The following CRB1 variants were observed in gnomAD, a reference collection of about 807,000 sequenced individuals.
CRB1 encodes the protein crumbs cell polarity complex component 1.
Under a neutral mutation model 120.0 loss-of-function variants are expected in CRB1, and 83 were observed. That is an observed-to-expected ratio of 0.69 (90% CI 0.58 to 0.83). CRB1 has a LOEUF of 0.83. Ranked by LOEUF, CRB1 falls within the 40% of genes least tolerant of loss-of-function variation. CRB1 has a pLI of 0.00. For synonymous variants in CRB1, 625 were observed against 612.5 expected, an observed-to-expected ratio of 1.02 and a Z score of -0.30; for missense variants, 1,699 against 1,687.6, an observed-to-expected ratio of 1.01 and a Z score of -0.12.
At position 197,435,118 on chromosome 1, in the gene CRB1, A is replaced by C; in HGVS notation, c.3255A>C (p.Arg1085Ser). The C allele has an allele frequency of 6.2e-7, 1 of 1,613,932 alleles. No individual in the cohort carries two copies. Among genetic ancestry groups the C allele is most frequent in the Non-Finnish European group, 8.5e-7 (1 of 1,179,882 alleles). ...ATACAGATATTTATGTGGGAGACAG[A>C]GCTATTGACAATATAAAGGGCCTGC... ...KDNTDIYVGD[R>S]AIDNIKGLQG... Residue 1085 changes from arginine to serine, a missense_variant, in exon 9 of 12, where the codon AGA becomes AGC. Arg to Ser is a moderately radical substitution (Grantham distance 110, BLOSUM62 -1). Coordinates refer to ENST00000367400, the MANE Select transcript of CRB1 (RefSeq NM_201253.3).
intron 5 of CRB1, among the ~76,000 whole-genome samples, chr1:197,412,897 C>T (rs966179692): frequency 6.6e-6 from 1 of 152,172 alleles, no homozygotes; most frequent in Admixed American, 6.5e-5. Flanking sequence ...TGGTTTCCAT[C>T]ACAACTTATC....
chr1:197,421,776 T>G lies in CRB1; in HGVS notation c.1948T>G (p.Trp650Gly). ...CTGTCTCCAAGACATTAAAATTGAT[T>G]GGAATCACATTACCCTGGAGAACAT... is the stretch of plus-strand genomic sequence containing the variant. ...VGCLQDIKID[W>G]NHITLENISS... Residue 650 changes from tryptophan to glycine, a missense_variant, in exon 6 of 12, where the codon TGG becomes GGG. Transcript: ENST00000367400. The G allele has an allele frequency of 1.2e-6, 2 of 1,614,204 alleles. No individual in the cohort carries two copies. The highest frequency in any genetic ancestry group is 1.7e-6 in the Non-Finnish European group (2 of 1,180,032).
Position 197,421,411 on chromosome 1 carries a change from A to G in CRB1, c.1583A>G (p.Asn528Ser). 1 of 1,614,216 alleles carries G rather than the reference A, an allele frequency of 6.2e-7. No individual in the cohort carries two copies. Among genetic ancestry groups the G allele is most frequent in the African/African-American group, 1.3e-5 (1 of 75,044 alleles). Residue 528 changes from asparagine to serine, a missense_variant, in exon 6 of 12, where the codon AAC (asparagine) becomes AGC (serine). Coordinates refer to ENST00000367400, the MANE Select transcript of CRB1 (RefSeq NM_201253.3). ...QPMALLLFRS[N>S]RDVFVKLELL... is the part of the protein sequence containing the mutation. Reference sequence around the variant, plus strand: ...ATGGCTCTTCTACTTTTCCGAAGCAACAGGGATGTGTTTGTGAAGCTGGAG... The same window carrying G: ...ATGGCTCTTCTACTTTTCCGAAGCAGCAGGGATGTGTTTGTGAAGCTGGAG...
chr1:197,311,514 T>C (rs1657518577), intron 1 of CRB1, among the ~76,000 whole-genome samples: 1 of 152,230 alleles, frequency 6.6e-6, no homozygotes, highest in Non-Finnish European at 1.5e-5. Context: ...TGTATTTCAT[T>C]AAAAATTCAT....
At chr1:197,219,575 A>G in the CRB1 span, among the ~76,000 whole-genome samples, 1 of 152,234 alleles carries the variant, frequency 6.6e-6, no homozygotes, top group Non-Finnish European at 1.5e-5. Flanking sequence ...TGAGGCTAAG[A>G]GAGATTGAGA....
chr1:197,315,467 C>G (rs1331228009), intron 1 of CRB1, among the ~76,000 whole-genome samples: 1 of 152,186 alleles, frequency 6.6e-6, no homozygotes, highest in Non-Finnish European at 1.5e-5. Flanking sequence ...AAAGCTGTGC[C>G]TGCATAAAAC....
At chr1:197,331,650 G>A (rs189302616) in intron 2 of CRB1, among the ~76,000 whole-genome samples, 7 of 152,172 alleles carry the variant, frequency 4.6e-5, no homozygotes, top group Admixed American at 2.6e-4. Flanking sequence ...CATTAAGATA[G>A]TGTCTTCCAT....
At chr1:197,206,606 A>G in the CRB1 span, among the ~76,000 whole-genome samples, 1 of 152,102 alleles carries the variant, frequency 6.6e-6, no homozygotes, top group East Asian at 1.9e-4. Context: ...GATCTGAAAG[A>G]GTACTTTTAT....
At chr1:197,427,199 A>G (rs1489291902) in intron 6 of CRB1, among the ~76,000 whole-genome samples, 1 of 152,176 alleles carries the variant, frequency 6.6e-6, no homozygotes, top group East Asian at 1.9e-4. Flanking sequence ...TTTGTGATCA[A>G]TATGCCTGAA....
rs187472039 is a variant in CRB1 at position 197,290,479 on chromosome 1, T to C, written c.70+21997T>C. 3.0e-3 allele frequency among the ~76,000 whole-genome samples: 461 copies of C among 151,822 alleles called. 1 individual carries two copies. The highest frequency in any genetic ancestry group is 0.011 in the African/African-American group (442 of 41,482). ...TTATTTTTTAGGCCTTCTTTTTCCC[T>C]GAACAGCTCAGTTTCACATCCCCCC... is the stretch of plus-strand genomic sequence containing the variant. On this transcript the variant is annotated intron_variant, in intron 1 of 11. Coordinates refer to ENST00000367400, the MANE Select transcript of CRB1 (RefSeq NM_201253.3).
rs1462856055 is a variant in CRB1, at chr1:197,420,899, G to A, written c.1172-101G>A. The A allele has an allele frequency of 4.9e-6, 4 of 823,942 alleles. No homozygotes were observed. In the East Asian group the frequency reaches 9.8e-5, roughly 20 times the overall value. The allele number at this position is 823,942 out of a possible 1,614,324, so 51.0% of individuals were successfully genotyped here. On this transcript the variant is annotated intron_variant, in intron 5 of 11. Coordinates refer to ENST00000367400, the MANE Select transcript of CRB1 (RefSeq NM_201253.3). ...TACTCCATTACAGTCCTAAACCTGAGCTATTCATGCACTTCTGCAAGATTA... is the reference window on the plus strand; with the variant it reads ...TACTCCATTACAGTCCTAAACCTGAACTATTCATGCACTTCTGCAAGATTA...
chr1:197,441,961 T>C, intron 10 of CRB1: 1 of 624,740 alleles, frequency 1.6e-6, no homozygotes, highest in South Asian at 1.9e-5. Flanking sequence ...TATATATATG[T>C]GTACAGATTA....
At chr1:197,397,352 G>A (rs1380864299) in intron 5 of CRB1, among the ~76,000 whole-genome samples, 2 of 152,088 alleles carry the variant, frequency 1.3e-5, no homozygotes, top group African/African-American at 4.8e-5. Context: ...GAATAACTCT[G>A]ATGCTTTGGT....
At chr1:197,316,086 G>C (rs1657820243) in intron 1 of CRB1, among the ~76,000 whole-genome samples, 1 of 152,282 alleles carries the variant, frequency 6.6e-6, no homozygotes, top group East Asian at 1.9e-4. Context: ...TCTTCACTAG[G>C]GGACAGGGGT....
intron 1 of CRB1, among the ~76,000 whole-genome samples, chr1:197,322,891 C>T (rs185856996): frequency 1.3e-5 from 2 of 152,144 alleles, no homozygotes; most frequent in East Asian, 1.9e-4. Flanking sequence ...ATTTTACAGT[C>T]TGGGCATCCT....
chr1:197,454,542 A>AT (rs1009675691), intron 11 of CRB1, among the ~76,000 whole-genome samples: 20 of 151,982 alleles, frequency 1.3e-4, no homozygotes, highest in Non-Finnish European at 1.6e-4. Context: ...GTCAGAACAC[A>AT]TTTTTTCATG....
chr1:197,227,299 A>G, the CRB1 span, among the ~76,000 whole-genome samples: 2 of 152,150 alleles, frequency 1.3e-5, no homozygotes, highest in African/African-American at 4.8e-5. Flanking sequence ...AAGTACAGCC[A>G]TTCCAAATGA....
At position 197,421,377 on chromosome 1, in the gene CRB1, G is replaced by A; in HGVS notation, c.1549G>A (p.Val517Ile). Reference protein sequence around the residue: ...VCNIALRFQTVQPMALLLFRS... With the variant: ...VCNIALRFQTIQPMALLLFRS... ...TAACATAGCCCTCAGGTTTCAGACT[G>A]TTCAGCCAATGGCTCTTCTACTTTT... The change falls in exon 6 of 12, where the codon GTT (valine) becomes ATT (isoleucine). Residue 517 changes from valine (V) to isoleucine (I), a missense_variant. Physicochemically the swap from Val to Ile is conservative, Grantham distance 29 (BLOSUM62 3). Transcript: ENST00000367400. 6.2e-7 allele frequency: 1 copy of A among 1,614,202 alleles called. No individual in the cohort carries two copies. The highest frequency in any genetic ancestry group is 2.2e-5 in the East Asian group (1 of 44,882).
At chr1:197,477,033 C>G (rs1186066922) in intron 11 of CRB1, among the ~76,000 whole-genome samples, 1 of 152,184 alleles carries the variant, frequency 6.6e-6, no homozygotes, top group African/African-American at 2.4e-5. Flanking sequence ...CAGGGCTCTA[C>G]CTGCCGTTGT....
Sources: gnomAD v4.1 joint callset for allele counts (sites outside exome capture counted in the v4.1 genomes callset) on GRCh38, gnomAD v4.1.1 for gene constraint, MANE v1.5 for transcripts, NCBI Gene and HGNC (gene_info 2026-07-23, HGNC 2026-07-21) for gene names.